TTBK2: variants seen among roughly 807,000 people sequenced by gnomAD.
The protein encoded by TTBK2 is tau tubulin kinase 2.
A neutral mutation model predicts 110.8 loss-of-function variants in TTBK2; 28 were observed. The observed-to-expected ratio is 0.25, with a 90% CI of 0.19 to 0.35. The LOEUF (loss-of-function observed/expected upper bound fraction) is 0.35. Ranked by LOEUF, TTBK2 falls within the 10% of genes least tolerant of loss-of-function variation. TTBK2 has a pLI of 1.00. For missense variants in TTBK2, 1,369 were observed against 1,500.3 expected (o/e 0.91, Z 1.45); for synonymous variants, 532 against 527.3 (o/e 1.01, Z -0.12).
At chr15:42,813,490 C>T (rs981754727) in intron 7 of TTBK2, among the ~76,000 whole-genome samples, 1 of 151,926 alleles carries the variant, frequency 6.6e-6, no homozygotes, top group Admixed American at 6.6e-5. Flanking sequence ...CCAGTATACT[C>T]CAGCCTGGGC....
intron 3 of TTBK2, among the ~76,000 whole-genome samples, chr15:42,851,995 T>C (rs1893736039): frequency 6.6e-6 from 1 of 152,156 alleles, no homozygotes. Context: ...GAGCCTAACA[T>C]TCAGTAGCAC....
chr15:42,838,993 A>G (rs944007086), intron 4 of TTBK2, among the ~76,000 whole-genome samples: 2 of 152,104 alleles, frequency 1.3e-5, no homozygotes, highest in Non-Finnish European at 2.9e-5. Context: ...GGTTTGACAC[A>G]TGGGCAAATT....
intron 12 of TTBK2, among the ~76,000 whole-genome samples, chr15:42,776,767 G>T (rs779479008): frequency 6.6e-6 from 1 of 152,144 alleles, no homozygotes; most frequent in Non-Finnish European, 1.5e-5. Flanking sequence ...CTTGTACCTA[G>T]TGTTAGGAAG....
At position 42,752,740 on chromosome 15, in the gene TTBK2, T is replaced by A; in HGVS notation, c.2506A>T (p.Asn836Tyr). ...ATTATCTCATTATTTTTGTCTTGAT[T>A]TGGCACCACACTAAAAGTCTGTGTT... ...TKTQTFSVVP[N>Y]QDKNNEIMKL... is the part of the protein sequence containing the mutation. The change falls in exon 14 of 15, where the codon AAT (asparagine) becomes TAT (tyrosine). Residue 836 changes from asparagine to tyrosine, a missense_variant. Physicochemically the swap from Asn to Tyr is moderately radical, Grantham distance 143 (BLOSUM62 -2). Around this residue, in one of 4 missense-constraint regions of TTBK2, gnomAD observed 1,097 missense variants for 1,114.7 expected, o/e 0.98. Transcript: ENST00000267890. The A allele has an allele frequency of 6.2e-7, 1 of 1,614,214 alleles. No homozygotes were observed. Among genetic ancestry groups the A allele is most frequent in the African/African-American group, 1.3e-5 (1 of 75,064 alleles).
intron 1 of TTBK2, among the ~76,000 whole-genome samples, chr15:42,900,096 G>A (rs979735852): frequency 1.3e-5 from 2 of 151,380 alleles, no homozygotes; most frequent in East Asian, 2.0e-4. Context: ...GGGTTCAAGC[G>A]ATTCTCCTGC....
chr15:42,783,256 C>T (rs898929725), intron 11 of TTBK2, among the ~76,000 whole-genome samples, 163 bp downstream of exon 11: 4 of 152,066 alleles, frequency 2.6e-5, no homozygotes, highest in African/African-American at 9.7e-5. Flanking sequence ...ACAAAAGAGG[C>T]CCAAAAGAGA....
At chr15:42,799,381 A>G (rs1469010137) in intron 9 of TTBK2, among the ~76,000 whole-genome samples, 8 of 151,774 alleles carry the variant, frequency 5.3e-5, no homozygotes, top group Admixed American at 1.3e-4. Flanking sequence ...AAAAACAAAC[A>G]ATCTGAAATC....
At chr15:42,902,874 C>G (rs993231370) in intron 1 of TTBK2, among the ~76,000 whole-genome samples, 6 of 151,546 alleles carry the variant, frequency 4.0e-5, no homozygotes, top group South Asian at 2.1e-4. Flanking sequence ...ACCTGTAATC[C>G]CAGCTACTTG....
intron 1 of TTBK2, among the ~76,000 whole-genome samples, chr15:42,899,877 G>A (rs2029889014): frequency 6.6e-6 from 1 of 151,232 alleles, no homozygotes; most frequent in African/African-American, 2.4e-5. Context: ...ACTCCAGCCT[G>A]GGCAACAAGA....
intron 11 of TTBK2, among the ~76,000 whole-genome samples, chr15:42,781,621 AGG>A (rs1890182449): frequency 9.2e-5 from 14 of 152,098 alleles, no homozygotes; most frequent in Admixed American, 7.9e-4. Flanking sequence ...TTTTCCTTTA[AGG>A]CTTCCTCTCT....
intron 9 of TTBK2, chr15:42,801,281 C>A (rs1891186436): frequency 6.5e-7 from 1 of 1,541,580 alleles, no homozygotes; most frequent in African/African-American, 1.4e-5. Context: ...GCTTGACGTT[C>A]ATCAGCTCCT....
chr15:42,908,275 A>G (rs1354309156), intron 1 of TTBK2: 1 of 152,208 alleles, frequency 6.6e-6, no homozygotes, highest in Admixed American at 6.5e-5. Context: ...CAGGAGTTCA[A>G]GACCAGCCTA....
chr15:42,894,477 C>T (rs1474348406), intron 1 of TTBK2, among the ~76,000 whole-genome samples: 2 of 152,150 alleles, frequency 1.3e-5, no homozygotes, highest in Non-Finnish European at 2.9e-5. Context: ...AAAGGATGGG[C>T]ATTGTGGCTC....
At chr15:42,871,765 T>C in intron 3 of TTBK2, 1 of 188,092 alleles carries the variant, frequency 5.3e-6, no homozygotes, top group Non-Finnish European at 9.9e-6. Flanking sequence ...ACTGTTTTCC[T>C]GATTTACCAT....
At chr15:42,776,450 A>C (rs1472601850) in intron 12 of TTBK2, among the ~76,000 whole-genome samples, 1 of 152,226 alleles carries the variant, frequency 6.6e-6, no homozygotes, top group African/African-American at 2.4e-5. Context: ...ATGCACTACA[A>C]TCTTTACCTA....
chr15:42,759,754 AC>A (rs1407485688), intron 13 of TTBK2, among the ~76,000 whole-genome samples: 1 of 152,158 alleles, frequency 6.6e-6, no homozygotes, highest in African/African-American at 2.4e-5. Flanking sequence ...ATACCCCAAG[AC>A]CCAAGTATTT....
At chr15:42,762,518 AC>A (rs2062043966) in intron 13 of TTBK2, among the ~76,000 whole-genome samples, 1 of 152,138 alleles carries the variant, frequency 6.6e-6, no homozygotes. Context: ...AGAGTTCGAG[AC>A]CAGCCTGGCC....
intron 7 of TTBK2, among the ~76,000 whole-genome samples, chr15:42,812,584 C>T (rs1203660793): frequency 1.3e-5 from 2 of 151,964 alleles, no homozygotes; most frequent in Admixed American, 1.3e-4. Flanking sequence ...AAAAGCCTCA[C>T]CAAACATATG....
chr15:42,906,103 A>C (rs995236461), intron 1 of TTBK2, among the ~76,000 whole-genome samples: 1 of 152,020 alleles, frequency 6.6e-6, no homozygotes, highest in Non-Finnish European at 1.5e-5. Flanking sequence ...CAGGAGAATC[A>C]CTTGAACCTG....
Sources: allele counts gnomAD v4.1 joint callset (sites outside exome capture counted in the v4.1 genomes callset), GRCh38; gene constraint gnomAD v4.1.1; regional missense constraint gnomAD v4.1.1; transcripts MANE v1.5; gene names NCBI Gene and HGNC (gene_info 2026-07-23, HGNC 2026-07-21).